Variants in NRXN3 observed in about 807,000 individuals in gnomAD.
The protein encoded by NRXN3 is neurexin III.
In NRXN3, 32 loss-of-function variants were observed where a neutral mutation model predicts 137.6. The ratio of observed to expected loss-of-function variants is 0.23; its 90% confidence interval spans 0.18 to 0.31. The LOEUF is 0.31. NRXN3 is among the 10% of genes least tolerant of loss of function. The pLI is 1.00. For missense variants in NRXN3, 1,574 were observed against 2,062.5 expected, an observed-to-expected ratio of 0.76 and a Z score of 4.59; for synonymous variants, 798 against 784.5, an observed-to-expected ratio of 1.02 and a Z score of -0.29.
At chr14:78,513,451 T>C (rs1008802957) in intron 4 of NRXN3, among the ~76,000 whole-genome samples, 3 of 152,166 alleles carry the variant, frequency 2.0e-5, no homozygotes, top group Non-Finnish European at 4.4e-5. Flanking sequence ...ATTACAGTTA[T>C]TTCACAATTG....
chr14:79,554,391 T>A (rs1192049818), intron 16 of NRXN3, among the ~76,000 whole-genome samples: 1 of 152,200 alleles, frequency 6.6e-6, no homozygotes, highest in Non-Finnish European at 1.5e-5. Context: ...TCATTGAGCA[T>A]GACATACTTC....
At chr14:78,311,907 TC>T (rs1346743771) in intron 4 of NRXN3, among the ~76,000 whole-genome samples, 2 of 152,164 alleles carry the variant, frequency 1.3e-5, no homozygotes, top group Non-Finnish European at 2.9e-5. Context: ...GACTTAGAAT[TC>T]CTTTAGTCGA....
At chr14:79,114,056 C>A (rs532995912) in intron 15 of NRXN3, among the ~76,000 whole-genome samples, 1 of 152,290 alleles carries the variant, frequency 6.6e-6, no homozygotes, top group South Asian at 2.1e-4. Flanking sequence ...TTTGTAGTCA[C>A]ATTTTCTGGT....
At chr14:78,778,778 TTC>T (rs1156897742) in intron 8 of NRXN3, among the ~76,000 whole-genome samples, 4 of 119,570 alleles carry the variant, frequency 3.3e-5, no homozygotes, top group African/African-American at 1.5e-4. Context: ...CTTTCTTTCT[TTC>T]TTTCTTTCTT....
intron 4 of NRXN3, among the ~76,000 whole-genome samples, chr14:78,426,446 G>T (rs903038657): frequency 6.6e-6 from 1 of 152,196 alleles, no homozygotes; most frequent in African/African-American, 2.4e-5. Context: ...CCTGGCTGGG[G>T]CCCCTATAAC....
intron 15 of NRXN3, among the ~76,000 whole-genome samples, chr14:79,380,611 G>A (rs536389256): frequency 6.6e-6 from 1 of 152,148 alleles, no homozygotes; most frequent in South Asian, 2.1e-4. Context: ...TGGACATTTG[G>A]GTTGGTTCCA....
At chr14:78,624,525 G>T (rs2097436015) in intron 4 of NRXN3, among the ~76,000 whole-genome samples, 1 of 152,228 alleles carries the variant, frequency 6.6e-6, no homozygotes, top group Non-Finnish European at 1.5e-5. Context: ...GGGGCCAGGT[G>T]CTGGATCCTG....
At chr14:79,305,505 T>C (rs2085895487) in intron 15 of NRXN3, among the ~76,000 whole-genome samples, 1 of 152,052 alleles carries the variant, frequency 6.6e-6, no homozygotes, top group African/African-American at 2.4e-5. Context: ...GAAGGAATCA[T>C]AGAGGTCATC....
intron 15 of NRXN3, among the ~76,000 whole-genome samples, chr14:79,382,228 C>A (rs539463115): frequency 1.3e-5 from 2 of 152,298 alleles, no homozygotes; most frequent in Admixed American, 1.3e-4. Flanking sequence ...GTGCAACTGA[C>A]TGCGGCCAGT....
At chr14:78,246,341 T>G (rs2067674121) in intron 2 of NRXN3, among the ~76,000 whole-genome samples, 5 of 152,244 alleles carry the variant, frequency 3.3e-5, no homozygotes, top group Admixed American at 3.3e-4. Context: ...CATTGGTTTT[T>G]TAATAGCTAA....
chr14:78,683,452 A>C (rs2098095936), intron 6 of NRXN3, among the ~76,000 whole-genome samples: 1 of 152,234 alleles, frequency 6.6e-6, no homozygotes, highest in Non-Finnish European at 1.5e-5. Context: ...GTGCTGGTCC[A>C]TTTTAGACGT....
chr14:79,383,437 A>G (rs1477600856), intron 15 of NRXN3, among the ~76,000 whole-genome samples: 1 of 152,154 alleles, frequency 6.6e-6, no homozygotes, highest in African/African-American at 2.4e-5. Flanking sequence ...GGCAAACTCA[A>G]AATTTGTCTG....
At chr14:79,214,321 A>C (rs1310012141) in intron 15 of NRXN3, among the ~76,000 whole-genome samples, 2 of 152,226 alleles carry the variant, frequency 1.3e-5, no homozygotes, top group East Asian at 3.9e-4. Context: ...ATTAGAGGCC[A>C]AACATTGAAG....
chr14:78,494,572 G>A (rs2095737267), intron 4 of NRXN3, among the ~76,000 whole-genome samples: 1 of 151,990 alleles, frequency 6.6e-6, no homozygotes, highest in Non-Finnish European at 1.5e-5. Context: ...GAAACAATAG[G>A]TGGCTGTAGC....
At chr14:78,272,676 A>G (rs1229008222) in intron 2 of NRXN3, among the ~76,000 whole-genome samples, 1 of 152,156 alleles carries the variant, frequency 6.6e-6, no homozygotes, top group Non-Finnish European at 1.5e-5. Flanking sequence ...TTGTAGCTCC[A>G]TGGGTTAGAT....
At chr14:79,820,571 A>G (rs2099268571) in intron 20 of NRXN3, among the ~76,000 whole-genome samples, 1 of 152,184 alleles carries the variant, frequency 6.6e-6, no homozygotes, top group South Asian at 2.1e-4. Context: ...CTATGTAAAC[A>G]TATCATGCGG....
intron 15 of NRXN3, among the ~76,000 whole-genome samples, chr14:79,014,155 A>T (rs1309811510): frequency 6.6e-6 from 1 of 152,146 alleles, no homozygotes; most frequent in Non-Finnish European, 1.5e-5. Flanking sequence ...CAGGTTTCTT[A>T]CTTAGGTAAA....
At chr14:79,484,080 A>T (rs1026192819) in intron 16 of NRXN3, among the ~76,000 whole-genome samples, 1 of 152,072 alleles carries the variant, frequency 6.6e-6, no homozygotes, top group African/African-American at 2.4e-5. Context: ...TGCTGTCCCC[A>T]CTGGTCACGA....
chr14:78,377,120 G>T (rs2088009890), intron 4 of NRXN3, among the ~76,000 whole-genome samples: 1 of 152,160 alleles, frequency 6.6e-6, no homozygotes, highest in Non-Finnish European at 1.5e-5. Flanking sequence ...CAATTAAAGA[G>T]ATTGGGAGAA....
Sources: allele counts gnomAD v4.1 joint callset (sites outside exome capture counted in the v4.1 genomes callset), GRCh38; gene constraint gnomAD v4.1.1; transcripts MANE v1.5; gene names NCBI Gene and HGNC (gene_info 2026-07-23, HGNC 2026-07-21).